The following SENP1 variants were observed in gnomAD, a reference collection of about 807,000 sequenced individuals.
The protein encoded by SENP1 is SUMO specific peptidase 1, also known as sentrin-specific protease 1.
Under a neutral mutation model 93.0 loss-of-function variants are expected in SENP1, and 21 were observed. The observed-to-expected ratio is 0.23, with a 90% CI of 0.16 to 0.33. SENP1 has a LOEUF of 0.33. Among genes scored for constraint, SENP1 ranks in the 10% least tolerant of loss-of-function variants. The probability of loss-of-function intolerance (pLI) is 1.00; values close to 1 mark genes in which losing one functional copy is unlikely to be tolerated. For synonymous variants in SENP1, 256 were observed against 259.6 expected, an observed-to-expected ratio of 0.99 and a Z score of 0.13; for missense variants, 591 against 758.7, an observed-to-expected ratio of 0.78 and a Z score of 2.60.
intron 13 of SENP1, 23 bp downstream of exon 13, chr12:48,063,687 T>C: frequency 6.3e-7 from 1 of 1,598,086 alleles, no homozygotes; most frequent in South Asian, 1.1e-5. Flanking sequence ...ACTATTTGTA[T>C]GTAAAAATAG....
intron 4 of SENP1, chr12:48,089,350 T>C: frequency 3.0e-6 from 4 of 1,316,308 alleles, no homozygotes; most frequent in East Asian, 9.2e-5. Context: ...GTGAGAATTG[T>C]AATTCAAATG....
intron 6 of SENP1, among the ~76,000 whole-genome samples, chr12:48,075,555 C>T (rs1453383143): frequency 6.6e-6 from 1 of 152,162 alleles, no homozygotes; most frequent in Admixed American, 6.5e-5. Flanking sequence ...AGTGCAGGTA[C>T]TTTCCAGAGA....
chr12:48,065,272 C>G, intron 11 of SENP1, 52 bp from the exon 12 acceptor site: 1 of 1,386,558 alleles, frequency 7.2e-7, no homozygotes, highest in Non-Finnish European at 9.9e-7. Flanking sequence ...GTGGATGTTC[C>G]TTGATTTATG....
intron 13 of SENP1, among the ~76,000 whole-genome samples, chr12:48,062,440 C>T (rs536942799): frequency 6.6e-6 from 1 of 152,292 alleles, no homozygotes; most frequent in African/African-American, 2.4e-5. Flanking sequence ...ACCATGCCTT[C>T]CTTATTATTC....
intron 13 of SENP1, among the ~76,000 whole-genome samples, chr12:48,059,624 T>C (rs904859239): frequency 1.3e-5 from 2 of 152,184 alleles, no homozygotes. Flanking sequence ...CTCATGTATG[T>C]CTGGTCATTT....
At chr12:48,046,878 A>T in intron 16 of SENP1, 100 bp downstream of exon 16, 1 of 737,708 alleles carries the variant, frequency 1.4e-6, no homozygotes, top group Non-Finnish European at 2.3e-6. Flanking sequence ...AAGTCAGGCT[A>T]GACACGAACA....
intron 9 of SENP1, among the ~76,000 whole-genome samples, chr12:48,068,135 A>G (rs1943427287): frequency 6.6e-6 from 1 of 152,136 alleles, no homozygotes; most frequent in South Asian, 2.1e-4. Flanking sequence ...TGGCCTTCCC[A>G]AAGTGCTAGG....
In SENP1 at chr12:48,043,670, C is replaced by A. The variant is rs902066039; in HGVS notation, c.*1652G>T. ...AAGGGAAAGAAAGAGAGAGAAAAAACAAACACACAAAAGGTGGTCTTTCCC... is the reference window on the plus strand; with the variant it reads ...AAGGGAAAGAAAGAGAGAGAAAAAAAAAACACACAAAAGGTGGTCTTTCCC... On this transcript the variant is annotated 3_prime_UTR_variant, in exon 18 of 18. Transcript: ENST00000549518. The A allele has an allele frequency of 1.4e-4, 22 of 152,548 alleles. No homozygotes were observed. Among genetic ancestry groups the A allele is most frequent in the African/African-American group, 5.3e-4 (22 of 41,520 alleles). The allele number at this position is 152,548 out of a possible 1,614,324, so 9.4% of individuals were successfully genotyped here.
intron 6 of SENP1, among the ~76,000 whole-genome samples, chr12:48,079,634 ATAAT>A (rs918580479): frequency 2.6e-5 from 4 of 152,222 alleles, no homozygotes; most frequent in Non-Finnish European, 4.4e-5. Flanking sequence ...AAGTATAAAA[ATAAT>A]TAATTAAGGT....
At chr12:48,095,764 G>A (rs1473975042) in intron 4 of SENP1, among the ~76,000 whole-genome samples, 1 of 152,176 alleles carries the variant, frequency 6.6e-6, no homozygotes, top group African/African-American at 2.4e-5. Flanking sequence ...TAAGAGGGCA[G>A]ATGATAGATA....
Position 48,076,771 on chromosome 12 carries a change from T to G in SENP1, c.553-1978A>C, listed in dbSNP as rs536754354. 5.9e-5 allele frequency among the ~76,000 whole-genome samples: 9 copies of G among 151,656 alleles called. No individual in the cohort carries two copies. The East Asian group carries it at 1.8e-3, about 30-fold the overall frequency. Reference sequence around the variant, plus strand: ...AATTCTCCTGCTTCAGCCTCCCTAGTAGCTGGAACTACAGGTGTGCGCCAC... The same window carrying G: ...AATTCTCCTGCTTCAGCCTCCCTAGGAGCTGGAACTACAGGTGTGCGCCAC... On this transcript the variant is annotated intron_variant, in intron 6 of 17. Coordinates refer to ENST00000549518, the MANE Select transcript of SENP1 (RefSeq NM_001267594.2).
chr12:48,064,684 T>C (rs1943180012), intron 12 of SENP1, among the ~76,000 whole-genome samples: 1 of 152,126 alleles, frequency 6.6e-6, no homozygotes, highest in Admixed American at 6.5e-5. Context: ...TTTTTGTGTG[T>C]GTGTGTATGT....
rs769043662 is a variant in SENP1 at position 48,065,110 on chromosome 12, A to G, written c.1230T>C (p.Gly410=). 6.2e-7 allele frequency: 1 copy of G among 1,608,064 alleles called. No homozygotes were observed. Among genetic ancestry groups the G allele is most frequent in the Non-Finnish European group, 8.5e-7 (1 of 1,174,630 alleles). ...VTVVQETQKK[G]HKLTDSEDEF... is the part of the protein sequence containing the mutation. ...CATCTTCACTATCAGTTAATTTATG[A>G]CCTTTTTTTTGTGTTTCTTGGACAA... The change falls in exon 12 of 18, where the codon GGT becomes GGC. Residue 410 remains glycine (G), a synonymous_variant. Transcript: ENST00000549518.
chr12:48,069,904 G>A (rs1242512334), intron 9 of SENP1, among the ~76,000 whole-genome samples: 1 of 152,208 alleles, frequency 6.6e-6, no homozygotes, highest in Non-Finnish European at 1.5e-5. Context: ...GGGGAACTGA[G>A]ATGAGAAAGA....
intron 13 of SENP1, among the ~76,000 whole-genome samples, chr12:48,061,784 G>A (rs11834818): frequency 0.19 from 28,559 of 152,056 alleles, 3,269 homozygotes; most frequent in African/African-American, 0.32. Flanking sequence ...AGCTTCTCAA[G>A]GGCAGTAACT....
At chr12:48,097,433 T>A (rs1408246348) in intron 3 of SENP1, among the ~76,000 whole-genome samples, 1 of 152,216 alleles carries the variant, frequency 6.6e-6, no homozygotes, top group Admixed American at 6.5e-5. Context: ...TCCAAATTAC[T>A]AATGGCTTTC....
intron 1 of SENP1, among the ~76,000 whole-genome samples, chr12:48,103,836 C>T (rs940080510): frequency 1.3e-5 from 2 of 152,088 alleles, no homozygotes; most frequent in African/African-American, 4.8e-5. Flanking sequence ...TTGACAACTG[C>T]GGTGAAACAC....
Position 48,083,762 on chromosome 12 carries a change from A to G in SENP1, c.381T>C (p.Ser127=), listed in dbSNP as rs1191602899. 17 of 1,593,558 alleles carry G rather than the reference A, an allele frequency of 1.1e-5. No individual in the cohort carries two copies. Among genetic ancestry groups the G allele is most frequent in the Non-Finnish European group, 1.5e-5 (17 of 1,171,996 alleles). The change falls in exon 6 of 18, where the codon AGT becomes AGC. Residue 127 remains serine (S), a splice_region_variant and synonymous_variant. Coordinates refer to ENST00000549518, the MANE Select transcript of SENP1 (RefSeq NM_001267594.2). ...SLYLETRKTS[S]GLSNSFAGKS... is the part of the protein sequence containing the mutation. ...TTCCCGCAAAACTGTTTGATAATCC[A>G]CTAAAAAAAGAGTTTGTAAGAAAGA...
chr12:48,096,330 T>C lies in SENP1; in HGVS notation c.220+13A>G, dbSNP rs1402222838. On this transcript the variant is annotated intron_variant, in intron 4 of 17. Coordinates refer to ENST00000549518, the MANE Select transcript of SENP1 (RefSeq NM_001267594.2). ...AGGTATAAAGTCCCTTGACTCCAAG[T>C]AATGTGTCATACCTGAGTAATAGCT... 3 of 1,507,724 alleles carry C rather than the reference T, an allele frequency of 2.0e-6. No homozygotes were observed. The highest frequency in any genetic ancestry group is 2.8e-6 in the Non-Finnish European group (3 of 1,087,750). The allele number at this position is 1,507,724 out of a possible 1,614,324, so 93.4% of individuals were successfully genotyped here.
Sources: gnomAD v4.1 joint callset for allele counts (sites outside exome capture counted in the v4.1 genomes callset) on GRCh38, gnomAD v4.1.1 for gene constraint, MANE v1.5 for transcripts, NCBI Gene and HGNC (gene_info 2026-07-23, HGNC 2026-07-21) for gene names.